Variants in ARHGAP26 observed in about 807,000 individuals in gnomAD.
ARHGAP26 encodes the protein Rho GTPase activating protein 26, also known as rho GTPase-activating protein 26.
In ARHGAP26, 38 loss-of-function variants were observed where a neutral mutation model predicts 104.8. The observed-to-expected ratio is 0.36, with a 90% CI of 0.28 to 0.48. The LOEUF is 0.48. Among genes scored for constraint, ARHGAP26 ranks in the 20% least tolerant of loss-of-function variants. The probability of loss-of-function intolerance (pLI) is 0.99; values close to 1 mark genes in which losing one functional copy is unlikely to be tolerated. For synonymous variants in ARHGAP26, 341 were observed against 340.0 expected (o/e 1.00, Z -0.03); for missense variants, 704 against 947.9 (o/e 0.74, Z 3.38).
intron 4 of ARHGAP26, among the ~76,000 whole-genome samples, chr5:142,884,814 T>A (rs1200647132): frequency 6.6e-6 from 1 of 152,250 alleles, no homozygotes; most frequent in Admixed American, 6.5e-5. Flanking sequence ...AAGAGATATT[T>A]AGGCTTACAT....
chr5:142,879,575 G>A, intron 4 of ARHGAP26, 130 bp downstream of exon 4: 3 of 834,904 alleles, frequency 3.6e-6, no homozygotes, highest in Non-Finnish European at 5.5e-6. Flanking sequence ...GAAAATCTTA[G>A]GCAGAAAACT....
intron 20 of ARHGAP26, among the ~76,000 whole-genome samples, chr5:143,188,812 A>G (rs1301252659): frequency 6.6e-6 from 1 of 152,260 alleles, no homozygotes; most frequent in African/African-American, 2.4e-5. Context: ...CATCTCAGGT[A>G]GTGAAAGTGA....
rs549760063 is a variant in ARHGAP26 at position 142,858,352 on chromosome 5, A to G, written c.155-15048A>G. On this transcript the variant is annotated intron_variant, in intron 1 of 22. Transcript: ENST00000645722. ...GTGGTACCTTGAAAACATTATAGGC[A>G]TCTTGTTGGCTAAGGAAGAAAGTGA... is the stretch of plus-strand genomic sequence containing the variant. 2.0e-5 allele frequency among the ~76,000 whole-genome samples: 3 copies of G among 152,292 alleles called. No homozygotes were observed. In the East Asian group the frequency reaches 5.8e-4, roughly 29 times the overall value.
intron 4 of ARHGAP26, among the ~76,000 whole-genome samples, chr5:142,880,513 T>C (rs1210327088): frequency 8.6e-6 from 1 of 115,952 alleles, no homozygotes; most frequent in Non-Finnish European, 1.6e-5. Context: ...CAAGACTCCA[T>C]GTCCAAAAAA....
At chr5:143,153,603 A>G (rs750107299) in intron 20 of ARHGAP26, among the ~76,000 whole-genome samples, 2 of 152,220 alleles carry the variant, frequency 1.3e-5, no homozygotes, top group African/African-American at 2.4e-5. Flanking sequence ...TACTAGGTAA[A>G]TGCCTTCTTT....
At chr5:143,014,235 C>T (rs1024233175) in intron 12 of ARHGAP26, 119 bp downstream of exon 12, 3 of 1,143,662 alleles carry the variant, frequency 2.6e-6, no homozygotes, top group Non-Finnish European at 3.9e-6. Context: ...GGCTCCAGTT[C>T]CCGAGTGCAG....
intron 17 of ARHGAP26, among the ~76,000 whole-genome samples, chr5:143,098,584 T>C (rs1014005698): frequency 6.6e-6 from 1 of 152,166 alleles, no homozygotes; most frequent in South Asian, 2.1e-4. Context: ...TTTATAATAT[T>C]ATCAACAGTG....
rs75311150 is a variant in ARHGAP26, at chr5:142,796,824, G to A, written c.154+25909G>A. The stretch of plus-strand genomic sequence containing the variant: ...TGAATATTTCTGTTCCTTCTGCCTG[G>A]TGTCTCTGGTACCATCCCTGTCCTC... On this transcript the variant is annotated intron_variant, in intron 1 of 22. Transcript: ENST00000645722. Among the ~76,000 whole-genome samples, 789 of 152,288 alleles carry A rather than the reference G, an allele frequency of 5.2e-3. 9 individuals carry two copies. Among genetic ancestry groups the A allele is most frequent in the African/African-American group, 0.018 (753 of 41,552 alleles).
chr5:143,027,127 A>C (rs976421637), intron 12 of ARHGAP26, among the ~76,000 whole-genome samples: 3 of 151,090 alleles, frequency 2.0e-5, no homozygotes, highest in Admixed American at 2.0e-4. Flanking sequence ...ACACATTAGG[A>C]CTTGAGCTCC....
At chr5:143,195,941 C>T (rs1806759972) in intron 20 of ARHGAP26, among the ~76,000 whole-genome samples, 1 of 151,566 alleles carries the variant, frequency 6.6e-6, no homozygotes, top group Non-Finnish European at 1.5e-5. Context: ...GTACTTTCTG[C>T]TCAATTTTGC....
chr5:143,222,271 A>ACACACACACACCC lies in ARHGAP26; in HGVS notation c.2192-76_2192-75insCCCACACACACAC, dbSNP rs1599586801. ...TACACACACACACACACACACACAC[A>ACACACACACACCC]CACACACACACACCCCACACACACA... On this transcript the variant is annotated intron_variant, in intron 22 of 22. Coordinates refer to ENST00000645722, the MANE Select transcript of ARHGAP26 (RefSeq NM_001135608.3). The ACACACACACACCC allele has an allele frequency of 8.4e-6, 6 of 711,086 alleles. No homozygotes were observed. The East Asian group carries it at 1.7e-4, about 20-fold the overall frequency. The allele number at this position is 711,086 out of a possible 1,614,324, so 44.0% of individuals were successfully genotyped here.
chr5:143,120,354 A>C (rs1484053619), intron 17 of ARHGAP26, among the ~76,000 whole-genome samples: 1 of 152,196 alleles, frequency 6.6e-6, no homozygotes, highest in Non-Finnish European at 1.5e-5. Flanking sequence ...AGTGTAAGTG[A>C]CAATATAAAC....
intron 1 of ARHGAP26, among the ~76,000 whole-genome samples, chr5:142,798,656 G>T (rs763444233): frequency 6.6e-6 from 1 of 152,224 alleles, no homozygotes; most frequent in Non-Finnish European, 1.5e-5. Context: ...TATGTAGCGA[G>T]AAGAGGAAGA....
intron 18 of ARHGAP26, among the ~76,000 whole-genome samples, chr5:143,130,671 G>T (rs995325960): frequency 2.0e-5 from 3 of 152,184 alleles, no homozygotes; most frequent in African/African-American, 7.2e-5. Context: ...GAATAATTCA[G>T]ATTCTCATTA....
intron 1 of ARHGAP26, among the ~76,000 whole-genome samples, chr5:142,805,394 G>T (rs1173427774): frequency 6.6e-6 from 1 of 152,060 alleles, no homozygotes; most frequent in Admixed American, 6.6e-5. Context: ...GACCCACCAC[G>T]CCTGGCCCAC....
chr5:143,177,198 C>T (rs915167756), intron 20 of ARHGAP26, among the ~76,000 whole-genome samples: 18 of 152,126 alleles, frequency 1.2e-4, no homozygotes, highest in Non-Finnish European at 2.2e-4. Context: ...GATAACACTT[C>T]ATCATATTAG....
chr5:142,912,772 A>G (rs960119671), intron 9 of ARHGAP26, among the ~76,000 whole-genome samples: 1 of 152,160 alleles, frequency 6.6e-6, no homozygotes, highest in Non-Finnish European at 1.5e-5. Flanking sequence ...AGGGAGATGT[A>G]CATGGTGCTT....
At chr5:143,114,797 A>G (rs1599077299) in intron 17 of ARHGAP26, among the ~76,000 whole-genome samples, 1 of 152,080 alleles carries the variant, frequency 6.6e-6, no homozygotes, top group Non-Finnish European at 1.5e-5. Flanking sequence ...GTCCCATGGG[A>G]TTGACCGTGA....
At chr5:142,853,730 A>T (rs529760658) in intron 1 of ARHGAP26, among the ~76,000 whole-genome samples, 1 of 152,038 alleles carries the variant, frequency 6.6e-6, no homozygotes, top group Admixed American at 6.5e-5. Flanking sequence ...AGTAGCCTTG[A>T]CTCCACGTTC....
Sources: allele counts gnomAD v4.1 joint callset (sites outside exome capture counted in the v4.1 genomes callset), GRCh38; gene constraint gnomAD v4.1.1; transcripts MANE v1.5; gene names NCBI Gene and HGNC (gene_info 2026-07-23, HGNC 2026-07-21).